PPP2R3C: variants seen among roughly 807,000 people sequenced by gnomAD.
PPP2R3C encodes serine/threonine-protein phosphatase 2A regulatory subunit B'' subunit gamma.
PPP2R3C carries 47 observed loss-of-function variants against 63.7 expected under a neutral mutation model. That is an observed-to-expected ratio of 0.74 (90% confidence interval 0.58 to 0.94). PPP2R3C has a LOEUF of 0.94. PPP2R3C is among the 40% of genes least tolerant of loss of function. The pLI, the probability that PPP2R3C is intolerant of heterozygous loss-of-function variation, is 0.00. For missense variants in PPP2R3C, 421 were observed against 518.4 expected (o/e 0.81, Z 1.82); for synonymous variants, 180 against 177.4 (o/e 1.01, Z -0.12).
intron 11 of PPP2R3C, among the ~76,000 whole-genome samples, chr14:35,089,166 A>G (rs911068113): frequency 2.6e-5 from 4 of 152,036 alleles, no homozygotes; most frequent in African/African-American, 9.7e-5. Flanking sequence ...TGCAGTGGCA[A>G]ATCATGGATC....
At chr14:35,120,679 G>C (rs1324984342) in intron 1 of PPP2R3C, among the ~76,000 whole-genome samples, 1 of 152,154 alleles carries the variant, frequency 6.6e-6, no homozygotes, top group Admixed American at 6.5e-5. Context: ...GGGTGCGGCG[G>C]CTCACGTCTG....
chr14:35,094,784 T>C (rs1424336250), intron 10 of PPP2R3C, among the ~76,000 whole-genome samples: 1 of 152,012 alleles, frequency 6.6e-6, no homozygotes, highest in East Asian at 1.9e-4. Context: ...TGAAACCCCA[T>C]CTCTCCTAAA....
chr14:35,121,624 T>C (rs184221902), intron 1 of PPP2R3C, among the ~76,000 whole-genome samples: 111 of 152,328 alleles, frequency 7.3e-4, no homozygotes, highest in African/African-American at 2.5e-3. Context: ...TCAGGCGTTG[T>C]TGGAGCCGGG....
intron 1 of PPP2R3C, among the ~76,000 whole-genome samples, chr14:35,118,514 GA>G (rs1164429771): frequency 6.6e-6 from 1 of 152,108 alleles, no homozygotes; most frequent in Admixed American, 6.6e-5. Flanking sequence ...CAAAGACAGA[GA>G]TTTTTTTGTG....
intron 10 of PPP2R3C, among the ~76,000 whole-genome samples, chr14:35,093,129 C>T (rs1347072897): frequency 6.6e-6 from 1 of 152,030 alleles, no homozygotes; most frequent in Non-Finnish European, 1.5e-5. Context: ...AGGAGAATGG[C>T]GTCAACCCGG....
chr14:35,104,434 ATAATTATTTG>A, intron 6 of PPP2R3C, among the ~76,000 whole-genome samples: 1 of 152,222 alleles, frequency 6.6e-6, no homozygotes, highest in Non-Finnish European at 1.5e-5. Context: ...TTATATCTGA[ATAATTATTTG>A]ATTAATTAAC....
chr14:35,108,164 C>T lies in PPP2R3C; in HGVS notation c.477G>A (p.Gln159=). ...TDSYGRISIM[Q]FFNYVMRKVW... ...CTTTTCTCATGACATAATTAAAGAA[C>T]TGCATGATGGAAATTCTTCCATATG... Residue 159 remains glutamine (Q), a synonymous_variant, in exon 5 of 13, where the codon CAG becomes CAA. Transcript: ENST00000261475. The T allele has an allele frequency of 1.2e-6, 2 of 1,606,646 alleles. No homozygotes were observed. Among genetic ancestry groups the T allele is most frequent in the Non-Finnish European group, 1.7e-6 (2 of 1,177,942 alleles).
intron 7 of PPP2R3C, 88 bp downstream of exon 7, chr14:35,099,164 G>C: frequency 7.3e-7 from 1 of 1,368,678 alleles, no homozygotes; most frequent in Non-Finnish European, 9.5e-7. Context: ...GAAAATAAAT[G>C]ATATTTTTCA....
At chr14:35,113,293 G>A (rs78624346) in intron 2 of PPP2R3C, among the ~76,000 whole-genome samples, 10,709 of 152,128 alleles carry the variant, frequency 0.07, 506 homozygotes, top group Non-Finnish European at 0.11. Flanking sequence ...TGAAGCAGTG[G>A]GACCATGGAG....
chr14:35,104,942 C>T (rs769023650), intron 6 of PPP2R3C, among the ~76,000 whole-genome samples: 7 of 151,806 alleles, frequency 4.6e-5, no homozygotes, highest in Non-Finnish European at 1.0e-4. Context: ...CCATGTTGAT[C>T]AGGCTGGTCT....
chr14:35,107,399 G>A, intron 5 of PPP2R3C, 25 bp from the exon 6 acceptor site: 1 of 1,541,652 alleles, frequency 6.5e-7, no homozygotes, highest in Non-Finnish European at 9.0e-7. Flanking sequence ...GAAAATGAAA[G>A]TAATTCTTAA....
chr14:35,108,107 T>C, intron 5 of PPP2R3C, 32 bp downstream of exon 5: 1 of 1,595,410 alleles, frequency 6.3e-7, no homozygotes. Flanking sequence ...GATTCCCAGA[T>C]AAGGAGTTCA....
intron 7 of PPP2R3C, among the ~76,000 whole-genome samples, chr14:35,097,333 C>CA (rs2046031066): frequency 6.6e-6 from 1 of 151,984 alleles, no homozygotes; most frequent in African/African-American, 2.4e-5. Context: ...GTCAGATTTT[C>CA]AAAAAAGTTG....
intron 2 of PPP2R3C, 140 bp downstream of exon 2, chr14:35,116,470 G>A: frequency 1.9e-6 from 1 of 536,374 alleles, no homozygotes; most frequent in South Asian, 3.5e-5. Flanking sequence ...GCCCTGGCTG[G>A]TCTCAAATTC....
intron 1 of PPP2R3C, among the ~76,000 whole-genome samples, chr14:35,120,361 C>T (rs1208925495): frequency 6.6e-6 from 1 of 151,846 alleles, no homozygotes; most frequent in Non-Finnish European, 1.5e-5. Flanking sequence ...TCTCCTGCCT[C>T]AACCTCTGGA....
intron 10 of PPP2R3C, among the ~76,000 whole-genome samples, chr14:35,092,707 T>C (rs2045862279): frequency 6.6e-6 from 1 of 152,198 alleles, no homozygotes; most frequent in South Asian, 2.1e-4. Context: ...CCTCAGGTGA[T>C]CCACCCACCT....
chr14:35,117,234 G>A, intron 1 of PPP2R3C: 1 of 452,718 alleles, frequency 2.2e-6, no homozygotes, highest in Non-Finnish European at 4.4e-6. Flanking sequence ...CAAAACTCAG[G>A]GCTCTATTAC....
chr14:35,091,140 T>G lies in PPP2R3C; in HGVS notation c.1043A>C (p.Tyr348Ser). Residue 348 changes from tyrosine to serine, a missense_variant, in exon 11 of 13, where the codon TAT becomes TCT. By Grantham distance (144) the Tyr-to-Ser change is moderately radical. Around this residue, in one of 3 missense-constraint regions of PPP2R3C, gnomAD observed 231 missense variants for 264.8 expected, o/e 0.87. Transcript: ENST00000261475. ...ENRKEPAALQ[Y>S]IFKLLDIENK... is the part of the protein sequence containing the mutation. Reference sequence around the variant, plus strand: ...CTCAATATCAAGCAGTTTGAAAATATATTGTAGAGCTGCAGGTTCCTTTCT... The same window carrying G: ...CTCAATATCAAGCAGTTTGAAAATAGATTGTAGAGCTGCAGGTTCCTTTCT... 1 of 1,608,704 alleles carries G rather than the reference T, an allele frequency of 6.2e-7. No individual in the cohort carries two copies.
chr14:35,121,769 T>C (rs2046905799), intron 1 of PPP2R3C, 133 bp downstream of exon 1: 4 of 1,006,790 alleles, frequency 4.0e-6, no homozygotes, highest in Admixed American at 4.7e-5. Context: ...CACATTCCAC[T>C]CCGCCTCCTT....
Sources: gnomAD v4.1 joint callset for allele counts (sites outside exome capture counted in the v4.1 genomes callset) on GRCh38, gnomAD v4.1.1 for gene constraint, gnomAD v4.1.1 regional missense constraint, MANE v1.5 for transcripts, NCBI Gene and HGNC (gene_info 2026-07-23, HGNC 2026-07-21) for gene names.